KRT86: variants seen among roughly 807,000 people sequenced by gnomAD.
KRT86 encodes the protein keratin, type II cuticular Hb6.
Under a neutral mutation model 41.2 loss-of-function variants are expected in KRT86, and 30 were observed. The ratio of observed to expected loss-of-function variants is 0.73; its 90% confidence interval spans 0.54 to 0.99. The LOEUF (loss-of-function observed/expected upper bound fraction) is 0.99, where lower values mean the gene tolerates loss of function less well. Ranked by LOEUF, KRT86 falls within the 50% of genes least tolerant of loss-of-function variation. KRT86 has a pLI of 0.00. For missense variants in KRT86, 561 were observed against 571.4 expected (o/e 0.98, Z 0.19); for synonymous variants, 238 against 238.1 (o/e 1.00, Z 0.00).
intron 9 of KRT86, chr12:52,306,598 T>G: frequency 1.0e-5 from 5 of 487,152 alleles, no homozygotes; most frequent in East Asian, 3.8e-5. Flanking sequence ...CTTCCAGCTG[T>G]AGCTGCATGT....
chr12:52,276,191 C>T (rs923398461), intron 2 of KRT86, among the ~76,000 whole-genome samples: 5 of 152,124 alleles, frequency 3.3e-5, no homozygotes, highest in East Asian at 3.8e-4. Flanking sequence ...CTTGTTTGTA[C>T]ATTATTATCT....
intron 3 of KRT86, among the ~76,000 whole-genome samples, chr12:52,302,794 A>G (rs540914444): frequency 3.5e-5 from 5 of 143,904 alleles, no homozygotes; most frequent in Non-Finnish European, 7.6e-5. Context: ...CTAGTTTCAT[A>G]GTGAGGGACT....
rs776699267 is a variant in KRT86, at chr12:52,305,244, T to G, written c.740T>G (p.Ile247Ser). The G allele has an allele frequency of 1.2e-6, 2 of 1,614,178 alleles. No individual in the cohort carries two copies. Among genetic ancestry groups the G allele is most frequent in the East Asian group, 4.5e-5 (2 of 44,870 alleles). ...CACTGCCCTCACCTCCTGCAGGAGA[T>G]CCGCGTTCTCCAGTCCCACATCTCA... is the stretch of plus-strand genomic sequence containing the variant. ...DFLRRLYEEE[I>S]RVLQSHISDT... The change falls in exon 7 of 11, where the codon ATC becomes AGC. Residue 247 changes from isoleucine (I) to serine (S), a missense_variant. Transcript: ENST00000423955.
chr12:52,307,857 C>T (rs562291658), intron 9 of KRT86, among the ~76,000 whole-genome samples: 1 of 152,356 alleles, frequency 6.6e-6, no homozygotes, highest in Admixed American at 6.5e-5. Flanking sequence ...TCAGTCAGAA[C>T]CAACTTCGAG....
rs1938518933 is a variant in KRT86 at position 52,306,338 on chromosome 12, TC to T, written c.1247+60del. The T allele has an allele frequency of 3.7e-6, 6 of 1,611,084 alleles. No individual in the cohort carries two copies. In the East Asian group the frequency reaches 1.3e-4, roughly 36 times the overall value. ...CTGCCAGGGTTCTCAGTGTGCTCTG[TC>T]CTCACACTCCTGGCAGCATTTAAGT... On this transcript the variant is annotated intron_variant, in intron 9 of 10. Transcript: ENST00000423955.
At position 52,284,857 on chromosome 12, in the gene KRT86, T is replaced by G. The variant is rs142925953; in HGVS notation, c.-5+8911T>G. 2.4e-3 allele frequency among the ~76,000 whole-genome samples: 371 copies of G among 152,236 alleles called. 2 individuals are homozygous for G. The highest frequency in any genetic ancestry group is 8.3e-3 in the African/African-American group (343 of 41,544). ...GCTGTCATCTTCCCCTTCCCCTACC[T>G]CGTCAGTGTCAAGTTAATACTTCCA... On this transcript the variant is annotated intron_variant, in intron 2 of 10. Transcript: ENST00000423955.
chr12:52,308,774 G>T lies in KRT86; in HGVS notation c.*189G>T. ...GCAGGAGTCCGGGGAGGGCCGGGAG[G>T]CGCCATGGTCTCTCTCTGTAGCCTT... On this transcript the variant is annotated 3_prime_UTR_variant, in exon 11 of 11. Transcript: ENST00000423955. 1.7e-6 allele frequency: 1 copy of T among 603,410 alleles called. No individual in the cohort carries two copies. The highest frequency in any genetic ancestry group is 2.0e-5 in the South Asian group (1 of 50,488). 37.4% of individuals were successfully genotyped at this position (603,410 alleles called of 1,614,324 possible).
chr12:52,308,294 G>T (rs764390190), intron 10 of KRT86, 30 bp downstream of exon 10: 19 of 1,614,066 alleles, frequency 1.2e-5, no homozygotes, highest in South Asian at 7.7e-5. Context: ...CCCTCCTCCC[G>T]CTGGGCGGGT....
chr12:52,305,642 G>A (rs771801228), intron 7 of KRT86, 21 bp from the exon 8 acceptor site: 3 of 1,614,078 alleles, frequency 1.9e-6, no homozygotes, highest in East Asian at 2.2e-5. Flanking sequence ...TGAACCTCAT[G>A]AGCATCTCTA....
chr12:52,287,667 T>C (rs1937995118), intron 2 of KRT86: 18 of 1,613,924 alleles, frequency 1.1e-5, no homozygotes, highest in Non-Finnish European at 1.4e-5. Context: ...ATCTCCTCCT[T>C]GGTGCGGCGC....
chr12:52,308,782 GTC>G lies in KRT86; in HGVS notation c.*205_*206del, dbSNP rs1938578877. On this transcript the variant is annotated 3_prime_UTR_variant, in exon 11 of 11. Coordinates refer to ENST00000423955, the MANE Select transcript of KRT86 (RefSeq NM_001320198.2). ...CCGGGGAGGGCCGGGAGGCGCCATG[GTC>G]TCTCTCTGTAGCCTTTCCTGGTAGT... 6 of 598,522 alleles carry G rather than the reference GTC, an allele frequency of 1.0e-5. No individual in the cohort carries two copies. Among genetic ancestry groups the G allele is most frequent in the African/African-American group, 3.8e-5 (2 of 53,330 alleles). 37.1% of individuals were successfully genotyped at this position (598,522 alleles called of 1,614,324 possible).
chr12:52,287,205 T>C (rs555568252), intron 2 of KRT86: 3 of 1,614,008 alleles, frequency 1.9e-6, no homozygotes, highest in African/African-American at 2.7e-5. Flanking sequence ...AGGCAGGCCA[T>C]GTCCTGCTTG....
Position 52,308,777 on chromosome 12 carries a change from C to T in KRT86, c.*192C>T, listed in dbSNP as rs1047509426. 3.3e-6 allele frequency: 2 copies of T among 601,084 alleles called. No individual in the cohort carries two copies. The allele number at this position is 601,084 out of a possible 1,614,324, so 37.2% of individuals were successfully genotyped here. The stretch of plus-strand genomic sequence containing the variant: ...GGAGTCCGGGGAGGGCCGGGAGGCG[C>T]CATGGTCTCTCTCTGTAGCCTTTCC... On this transcript the variant is annotated 3_prime_UTR_variant, in exon 11 of 11. Coordinates refer to ENST00000423955, the MANE Select transcript of KRT86 (RefSeq NM_001320198.2).
intron 2 of KRT86, chr12:52,287,528 C>T: frequency 6.2e-7 from 1 of 1,613,556 alleles, no homozygotes; most frequent in South Asian, 1.1e-5. Flanking sequence ...CCAGGTAGGG[C>T]ACACATAGGC....
rs115355093 is a variant in KRT86 at position 52,286,320 on chromosome 12, C to T, written c.-5+10374C>T. ...AGGGAGCTGATACCACAGGAGCCCA[C>T]GCCGCAGGAACCCCCTCCGCAGGTG... On this transcript the variant is annotated intron_variant, in intron 2 of 10. Coordinates refer to ENST00000423955, the MANE Select transcript of KRT86 (RefSeq NM_001320198.2). 1,367 of 1,554,588 alleles carry T rather than the reference C, an allele frequency of 8.8e-4. 10 individuals carry two copies. In the African/African-American group the frequency reaches 0.015, roughly 18 times the overall value.
chr12:52,308,595 G>C lies in KRT86; in HGVS notation c.*10G>C, dbSNP rs751427480. On this transcript the variant is annotated 3_prime_UTR_variant, in exon 11 of 11. Transcript: ENST00000423955. ...CTGTAAGAGGTGCTAGGAGGCTGCC[G>C]CCTCCGCCAGCGCCTGTCGCCGTCA... The C allele has an allele frequency of 4.4e-6, 7 of 1,592,696 alleles. No homozygotes were observed. The highest frequency in any genetic ancestry group is 5.9e-6 in the Non-Finnish European group (7 of 1,177,718).
At position 52,301,925 on chromosome 12, in the gene KRT86, T is replaced by C. The variant is rs764023107; in HGVS notation, c.9T>C (p.Cys3=). MT[C]GSYCGGRAFS... ...CTTCCCCAAAAAGCACCATGACTTG[T>C]GGATCTTACTGTGGTGGCCGCGCCT... Residue 3 remains cysteine (C), a synonymous_variant, in exon 3 of 11, where the codon TGT becomes TGC. Coordinates refer to ENST00000423955, the MANE Select transcript of KRT86 (RefSeq NM_001320198.2). The C allele has an allele frequency of 3.7e-6, 6 of 1,613,724 alleles. No homozygotes were observed. Among genetic ancestry groups the C allele is most frequent in the South Asian group, 1.1e-5 (1 of 91,084 alleles).
chr12:52,301,731 C>T (rs902419499), intron 2 of KRT86, 182 bp from the exon 3 acceptor site: 4 of 1,137,110 alleles, frequency 3.5e-6, no homozygotes, highest in East Asian at 2.5e-5. Context: ...AAGTGGGGAG[C>T]GACAGCAGCT....
At chr12:52,308,068 C>T (rs1299228957) in intron 9 of KRT86, 165 bp from the exon 10 acceptor site, 1 of 813,116 alleles carries the variant, frequency 1.2e-6, no homozygotes, top group Non-Finnish European at 1.9e-6. Flanking sequence ...GTCTCCAGAC[C>T]CTCACGGTGA....
Sources: gnomAD v4.1 joint callset for allele counts (sites outside exome capture counted in the v4.1 genomes callset) on GRCh38, gnomAD v4.1.1 for gene constraint, MANE v1.5 for transcripts, NCBI Gene and HGNC (gene_info 2026-07-23, HGNC 2026-07-21) for gene names.